Variants in EPPIN observed in about 807,000 individuals in gnomAD.
EPPIN encodes WAP four-disulfide core domain protein 7.
Under a neutral mutation model 18.8 loss-of-function variants are expected in EPPIN, and 14 were observed. The ratio of observed to expected loss-of-function variants is 0.75; its 90% confidence interval spans 0.49 to 1.17. EPPIN has a LOEUF of 1.17. EPPIN is among the 50% of genes most tolerant of loss of function. The probability of loss-of-function intolerance (pLI) is 0.00; values close to 1 mark genes in which losing one functional copy is unlikely to be tolerated. For missense variants in EPPIN, 143 were observed against 154.2 expected (o/e 0.93, Z 0.39); for synonymous variants, 57 against 54.8 (o/e 1.04, Z -0.18).
At chr20:45,542,465 C>T in intron 3 of EPPIN, 1 of 656,280 alleles carries the variant, frequency 1.5e-6, no homozygotes, top group South Asian at 2.1e-5. Flanking sequence ...TCCTAATTCC[C>T]CTCATACTTG....
chr20:45,542,210 G>C, intron 3 of EPPIN, 56 bp from the exon 4 acceptor site: 2 of 1,608,022 alleles, frequency 1.2e-6, no homozygotes, highest in Admixed American at 1.7e-5. Context: ...CTCATCTTTG[G>C]AGCTTGAAGT....
chr20:45,542,395 TG>T, intron 3 of EPPIN: 1 of 640,036 alleles, frequency 1.6e-6, no homozygotes, highest in East Asian at 2.8e-5. Flanking sequence ...TTTAGCGTCC[TG>T]TGCCTCTTCT....
rs777717270 is a variant in EPPIN, at chr20:45,542,153, G to T, written c.393C>A (p.Arg131=). ...GTGCATCCTTATCCAATCAGGGAAAGCCTGCAGAGAACGTAGGACAGAAAC... is the reference window on the plus strand; with the variant it reads ...GTGCATCCTTATCCAATCAGGGAAATCCTGCAGAGAACGTAGGACAGAAAC... ...ANCLNTCKNK[R]FP is the part of the protein sequence containing the mutation. The change falls in exon 4 of 4, where the codon CGC becomes CGA. Residue 131 remains arginine, a splice_region_variant and synonymous_variant. Transcript: ENST00000354280. 6.2e-7 allele frequency: 1 copy of T among 1,613,668 alleles called. No individual in the cohort carries two copies. The highest frequency in any genetic ancestry group is 1.7e-5 in the Admixed American group (1 of 59,986).
Position 45,547,261 on chromosome 20 carries a change from A to T in EPPIN, c.91+6T>A, listed in dbSNP as rs1979873576. The T allele has an allele frequency of 1.2e-6, 2 of 1,613,640 alleles. No homozygotes were observed. The highest frequency in any genetic ancestry group is 1.7e-6 in the Non-Finnish European group (2 of 1,179,826). ...CTCTAGGGTAAGGGCTGAGGCCAAT[A>T]CTTACTGGGAAATAACCAATCAGTC... On this transcript the variant is annotated splice_donor_region_variant and intron_variant, in intron 1 of 3. Coordinates refer to ENST00000354280, the MANE Select transcript of EPPIN (RefSeq NM_020398.4).
rs1354651486 is a variant in EPPIN at position 45,541,467 on chromosome 20, G to A, written c.*677C>T. ...TCTTTAAAAGGTCCCCAATAGGATT[G>A]AGCCACAGTAGTAACCAGCTCATAA... On this transcript the variant is annotated 3_prime_UTR_variant, in exon 4 of 4. Transcript: ENST00000354280. The A allele has an allele frequency of 1.3e-5, 2 of 152,200 alleles. No individual in the cohort carries two copies. Among genetic ancestry groups the A allele is most frequent in the South Asian group, 2.1e-4 (1 of 4,810 alleles). The allele number at this position is 152,200 out of a possible 1,614,324, so 9.4% of individuals were successfully genotyped here.
chr20:45,542,991 G>A, intron 2 of EPPIN, 124 bp from the exon 3 acceptor site: 1 of 1,390,042 alleles, frequency 7.2e-7, no homozygotes, highest in Non-Finnish European at 9.6e-7. Context: ...TTATCACATG[G>A]CAGGAGCACA....
intron 2 of EPPIN, 131 bp from the exon 3 acceptor site, chr20:45,542,998 C>G: frequency 3.7e-6 from 5 of 1,337,528 alleles, no homozygotes; most frequent in Non-Finnish European, 5.0e-6. Context: ...ATGGCAGGAG[C>G]ACAGCTCCAC....
chr20:45,545,869 C>T, intron 1 of EPPIN, 99 bp from the exon 2 acceptor site: 1 of 1,546,728 alleles, frequency 6.5e-7, no homozygotes. Flanking sequence ...GGGAAGTTTG[C>T]TTTCAGTTTG....
At chr20:45,545,451 G>T (rs1979783058) in intron 2 of EPPIN, 188 bp downstream of exon 2, 2 of 895,324 alleles carry the variant, frequency 2.2e-6, no homozygotes, top group South Asian at 3.6e-5. Flanking sequence ...TTACCTGATA[G>T]GATAAGGTCA....
intron 2 of EPPIN, 55 bp downstream of exon 2, chr20:45,545,584 A>C (rs1406784726): frequency 6.2e-7 from 1 of 1,611,082 alleles, no homozygotes; most frequent in South Asian, 1.1e-5. Flanking sequence ...CCAGGAAGGC[A>C]GAAGGTGAGG....
Position 45,545,874 on chromosome 20 carries a change from A to G in EPPIN, c.92-104T>C, listed in dbSNP as rs1161223945. On this transcript the variant is annotated intron_variant, in intron 1 of 3. Coordinates refer to ENST00000354280, the MANE Select transcript of EPPIN (RefSeq NM_020398.4). ...TAGAGAGTCAGGGAAGTTTGCTTTC[A>G]GTTTGCTTGCCCCCAGGAGTTCTTT... The G allele has an allele frequency of 3.9e-6, 6 of 1,537,444 alleles. No homozygotes were observed. In the East Asian group the frequency reaches 6.8e-5, roughly 17 times the overall value.
At chr20:45,542,219 G>T in intron 3 of EPPIN, 65 bp from the exon 4 acceptor site, 2 of 1,603,170 alleles carry the variant, frequency 1.2e-6, no homozygotes, top group Non-Finnish European at 1.7e-6. Context: ...GGAGCTTGAA[G>T]TTATGTTTAT....
At chr20:45,542,391 GT>G (rs1979631894) in intron 3 of EPPIN, 1 of 639,352 alleles carries the variant, frequency 1.6e-6, no homozygotes, top group Non-Finnish European at 2.7e-6. Context: ...TAAGTTTAGC[GT>G]CCTGTGCCTC....
intron 3 of EPPIN, 48 bp downstream of exon 3, chr20:45,542,652 C>T (rs1489841110): frequency 1.3e-6 from 2 of 1,584,478 alleles, no homozygotes; most frequent in Non-Finnish European, 1.7e-6. Flanking sequence ...CCCAGACCTC[C>T]CGGCATGGGA....
intron 2 of EPPIN, chr20:45,543,121 G>T: frequency 2.2e-6 from 1 of 453,308 alleles, no homozygotes; most frequent in African/African-American, 2.0e-5. Context: ...AATAGGGTGG[G>T]CCCCTATACC....
intron 1 of EPPIN, 137 bp downstream of exon 1, chr20:45,547,130 A>G: frequency 2.4e-6 from 3 of 1,259,036 alleles, no homozygotes; most frequent in Non-Finnish European, 3.3e-6. Context: ...GGGATCTTAC[A>G]AATATCTCTC....
intron 3 of EPPIN, chr20:45,542,435 C>G (rs79324074): frequency 1.6e-6 from 1 of 639,886 alleles, no homozygotes; most frequent in Non-Finnish European, 2.6e-6. Context: ...TTCACCACTT[C>G]TACACCCTTC....
At position 45,545,657 on chromosome 20, in the gene EPPIN, A is replaced by C; in HGVS notation, c.205T>G (p.Cys69Gly). The C allele has an allele frequency of 6.2e-7, 1 of 1,613,878 alleles. No homozygotes were observed. The highest frequency in any genetic ancestry group is 8.5e-7 in the Non-Finnish European group (1 of 1,179,894). Reference sequence around the variant, plus strand: ...ATATTACCTTGTTTGAGATCTAAACATTTTTTTCCGCAGCTGAAGACACAA... The same window carrying C: ...ATATTACCTTGTTTGAGATCTAAACCTTTTTTTCCGCAGCTGAAGACACAA... ...KCCVFSCGKKCLDLKQDVCEM... is the reference protein window; with the variant it reads ...KCCVFSCGKKGLDLKQDVCEM... Residue 69 changes from cysteine to glycine, a missense_variant, in exon 2 of 4, where the codon TGT becomes GGT. Coordinates refer to ENST00000354280, the MANE Select transcript of EPPIN (RefSeq NM_020398.4).
At chr20:45,543,749 G>A (rs1979703193) in intron 2 of EPPIN, 1 of 152,360 alleles carries the variant, frequency 6.6e-6, no homozygotes, top group African/African-American at 2.4e-5. Flanking sequence ...CTATGACAAT[G>A]TCCTCCCATG....
Sources: allele counts gnomAD v4.1 joint callset, GRCh38; gene constraint gnomAD v4.1.1; transcripts MANE v1.5; gene names NCBI Gene and HGNC (gene_info 2026-07-23, HGNC 2026-07-21).